The following RBM20 variants were observed in gnomAD, a reference collection of about 807,000 sequenced individuals.
RBM20 encodes the protein RNA-binding protein 20.
A neutral mutation model predicts 110.1 loss-of-function variants in RBM20; 51 were observed. That is an observed-to-expected ratio of 0.46 (90% CI 0.37 to 0.59). The LOEUF (loss-of-function observed/expected upper bound fraction) is 0.59, where lower values mean the gene tolerates loss of function less well. Ranked by LOEUF, RBM20 falls within the 20% of genes least tolerant of loss-of-function variation. The pLI is 0.00. For missense variants in RBM20, 1,512 were observed against 1,574.9 expected (o/e 0.96, Z 0.68); for synonymous variants, 589 against 618.2 (o/e 0.95, Z 0.70).
In RBM20 at chr10:110,784,354, T is replaced by C. The variant is rs2135049976; in HGVS notation, c.1351T>C (p.Cys451Arg). 2 of 1,550,882 alleles carry C rather than the reference T, an allele frequency of 1.3e-6. No homozygotes were observed. Among genetic ancestry groups the C allele is most frequent in the Non-Finnish European group, 1.7e-6 (2 of 1,146,654 alleles). Residue 451 changes from cysteine (C) to arginine (R), a missense_variant, in exon 4 of 14, where the codon TGT becomes CGT. By Grantham distance (180) the Cys-to-Arg change is radical. Around this residue, in one of 3 missense-constraint regions of RBM20, gnomAD observed 1,149 missense variants for 1,169.4 expected, o/e 0.98. Coordinates refer to ENST00000369519, the MANE Select transcript of RBM20 (RefSeq NM_001134363.3). ...LVFSENAGIR[C>R]ILGSAEGTLC... ...CGCCCTCTCCAGTGCTGGCATCCGG[T>C]GTATACTTGGTTCGGCAGAGGGAAC...
intron 1 of RBM20, among the ~76,000 whole-genome samples, chr10:110,649,469 C>T (rs1433643658): frequency 6.6e-6 from 1 of 152,096 alleles, no homozygotes; most frequent in African/African-American, 2.4e-5. Context: ...ATTGAGGAAG[C>T]TTGAGATACT....
At chr10:110,677,927 G>A (rs1389450402) in intron 1 of RBM20, among the ~76,000 whole-genome samples, 1 of 151,990 alleles carries the variant, frequency 6.6e-6, no homozygotes, top group African/African-American at 2.4e-5. Flanking sequence ...CTTAACCCTC[G>A]GGGAACTTCA....
Position 110,800,144 on chromosome 10 carries a change from A to C in RBM20, c.1800+226A>C, listed in dbSNP as rs141744316. On this transcript the variant is annotated intron_variant, in intron 7 of 13. Coordinates refer to ENST00000369519, the MANE Select transcript of RBM20 (RefSeq NM_001134363.3). ...AGACGCCTGAGACTACCTGGGAGCC[A>C]AGGAAAGTTTTCCAGAAGAAGATGT... 8.4e-3 allele frequency among the ~76,000 whole-genome samples: 1,279 copies of C among 152,342 alleles called. 13 individuals carry two copies. The highest frequency in any genetic ancestry group is 0.029 in the African/African-American group (1,220 of 41,574).
chr10:110,696,129 C>T lies in RBM20; in HGVS notation c.191+51484C>T, dbSNP rs568546425. 9.2e-5 allele frequency among the ~76,000 whole-genome samples: 14 copies of T among 152,256 alleles called. No individual in the cohort carries two copies. In the South Asian group the frequency reaches 2.7e-3, roughly 29 times the overall value. On this transcript the variant is annotated intron_variant, in intron 1 of 13. Transcript: ENST00000369519. ...CTGGTGATTCTGATGCCTGCGGAAGCGTGAGCCACACTGGGCTAGAGTTTC... is the reference window on the plus strand; with the variant it reads ...CTGGTGATTCTGATGCCTGCGGAAGTGTGAGCCACACTGGGCTAGAGTTTC...
Position 110,821,831 on chromosome 10 carries a change from C to T in RBM20, c.3212C>T (p.Thr1071Ile), listed in dbSNP as rs780960820. 3.2e-6 allele frequency: 5 copies of T among 1,551,608 alleles called. No homozygotes were observed. The highest frequency in any genetic ancestry group is 2.4e-5 in the East Asian group (1 of 40,932). Reference protein sequence around the residue: ...PFVDDCKTRGTPEDGACEGSP... With the variant: ...PFVDDCKTRGIPEDGACEGSP... ...GTGGATGATTGCAAGACCAGGGGGA[C>T]CCCCGAAGATGGGGCTTGTGAAGGC... is the stretch of plus-strand genomic sequence containing the variant. Residue 1071 changes from threonine (T) to isoleucine (I), a missense_variant, in exon 11 of 14, where the codon ACC (threonine) becomes ATC (isoleucine). Physicochemically the swap from Thr to Ile is moderately conservative, Grantham distance 89. Around this residue, in one of 3 missense-constraint regions of RBM20, gnomAD observed 358 missense variants for 384.2 expected, o/e 0.93. Transcript: ENST00000369519.
At chr10:110,655,099 A>G (rs1247094653) in intron 1 of RBM20, among the ~76,000 whole-genome samples, 1 of 152,224 alleles carries the variant, frequency 6.6e-6, no homozygotes, top group African/African-American at 2.4e-5. Flanking sequence ...ATACTAATTC[A>G]AGCAATCCTG....
At chr10:110,686,197 T>C (rs1862502955) in intron 1 of RBM20, among the ~76,000 whole-genome samples, 1 of 152,172 alleles carries the variant, frequency 6.6e-6, no homozygotes, top group Non-Finnish European at 1.5e-5. Context: ...TCTTTAAATA[T>C]CCTATGAAAC....
chr10:110,718,075 G>A (rs1166956717), intron 1 of RBM20, among the ~76,000 whole-genome samples: 1 of 152,204 alleles, frequency 6.6e-6, no homozygotes, highest in African/African-American at 2.4e-5. Flanking sequence ...GCTAGGGCGG[G>A]GGACAGAGGC....
upstream of RBM20, among the ~76,000 whole-genome samples, chr10:110,643,516 C>T (rs1395533549): frequency 6.6e-6 from 1 of 152,216 alleles, no homozygotes; most frequent in Non-Finnish European, 1.5e-5. Flanking sequence ...GGTGACCGTA[C>T]GTTGTCGGCG....
At chr10:110,830,473 A>G (rs1590706701) in intron 12 of RBM20, among the ~76,000 whole-genome samples, 3 of 152,340 alleles carry the variant, frequency 2.0e-5, no homozygotes, top group East Asian at 1.9e-4. Context: ...AGGACAGAGA[A>G]TTGTAATTAG....
rs1844568074 is a variant in RBM20 at position 110,797,607 on chromosome 10, G to A, written c.1627G>A (p.Gly543Arg). 1.3e-6 allele frequency: 2 copies of A among 1,551,784 alleles called. No individual in the cohort carries two copies. Among genetic ancestry groups the A allele is most frequent in the East Asian group, 4.9e-5 (2 of 40,922 alleles). Residue 543 changes from glycine to arginine, a missense_variant, in exon 6 of 14, where the codon GGA (glycine) becomes AGA (arginine). This residue lies in a region of RBM20 where 1,149 missense variants were observed against 1,169.4 expected (regional missense o/e 0.98). Coordinates refer to ENST00000369519, the MANE Select transcript of RBM20 (RefSeq NM_001134363.3). ...CGTCATTAACCTGGGGCTGCCCTTT[G>A]GAAAGGTCACTAATTACATCCTCAT... The part of the protein sequence containing the change: ...NDVINLGLPF[G>R]KVTNYILMKS...
At chr10:110,817,105 C>T (rs914114778) in intron 9 of RBM20, among the ~76,000 whole-genome samples, 3 of 152,096 alleles carry the variant, frequency 2.0e-5, no homozygotes, top group East Asian at 1.9e-4. Flanking sequence ...AGGGAGGGTT[C>T]GAGAGTGGCA....
chr10:110,810,035 C>G (rs1319440340), intron 7 of RBM20, among the ~76,000 whole-genome samples: 1 of 152,160 alleles, frequency 6.6e-6, no homozygotes, highest in Non-Finnish European at 1.5e-5. Flanking sequence ...CCTTCCTTCC[C>G]TCCCTCCATC....
intron 1 of RBM20, among the ~76,000 whole-genome samples, chr10:110,660,274 A>C (rs1420535417): frequency 2.6e-5 from 4 of 152,208 alleles, no homozygotes; most frequent in African/African-American, 9.7e-5. Context: ...CTGCCTGGAA[A>C]ATAAGTGATT....
intron 1 of RBM20, among the ~76,000 whole-genome samples, chr10:110,697,181 A>C (rs1285748308): frequency 6.6e-6 from 1 of 152,186 alleles, no homozygotes; most frequent in African/African-American, 2.4e-5. Context: ...GATTTCACAC[A>C]ACAAAAGCCC....
Position 110,823,893 on chromosome 10 carries a change from A to T in RBM20, c.3451+279A>T, listed in dbSNP as rs4918597. 3.5e-3 allele frequency among the ~76,000 whole-genome samples: 486 copies of T among 138,722 alleles called. 1 individual carries two copies. Among genetic ancestry groups the T allele is most frequent in the African/African-American group, 8.7e-3 (330 of 37,988 alleles). The allele number at this position is 138,722 out of a possible 152,430, so 91.0% of individuals were successfully genotyped here. A position where few individuals can be genotyped will look rare whatever the true frequency, so the allele number is the denominator to read the frequency against. ...CCACCAGGCCCGGCTAATTTTTTTA[A>T]TTTTTTTTTTTTTTGCAGAGATGGG... On this transcript the variant is annotated intron_variant, in intron 12 of 13. Transcript: ENST00000369519.
Position 110,739,635 on chromosome 10 carries a change from G to T in RBM20, c.192-41166G>T, listed in dbSNP as rs1389249017. Among the ~76,000 whole-genome samples, 1 of 152,196 alleles carries T rather than the reference G, an allele frequency of 6.6e-6. No individual in the cohort carries two copies. Among genetic ancestry groups the T allele is most frequent in the Non-Finnish European group, 1.5e-5 (1 of 68,032 alleles). On this transcript the variant is annotated intron_variant, in intron 1 of 13. Coordinates refer to ENST00000369519, the MANE Select transcript of RBM20 (RefSeq NM_001134363.3). This position sits in a 1 kb window ranked among gnomAD's most constrained non-coding sequence, Gnocchi z 4.1. ...TGACGTGGTGGTGGAAGGCAGAGTGGCAGGGGAAAGAGCACCAGCATCAAT... is the reference window on the plus strand; with the variant it reads ...TGACGTGGTGGTGGAAGGCAGAGTGTCAGGGGAAAGAGCACCAGCATCAAT...
chr10:110,727,140 A>G (rs1843569034), intron 1 of RBM20, among the ~76,000 whole-genome samples: 1 of 114,886 alleles, frequency 8.7e-6, no homozygotes, highest in Admixed American at 9.7e-5. Context: ...CACTGCACCC[A>G]GCCTTTTTTT....
At chr10:110,749,900 C>T (rs10444088) in intron 1 of RBM20, among the ~76,000 whole-genome samples, 116,638 of 152,062 alleles carry the variant, frequency 0.77, 45,215 homozygotes, top group Non-Finnish European at 0.82. Flanking sequence ...AGAAGCCAAC[C>T]CCGGGAGAAT....
Sources: gnomAD v4.1 joint callset for allele counts (sites outside exome capture counted in the v4.1 genomes callset) on GRCh38, gnomAD v4.1.1 for gene constraint, gnomAD v4.1.1 regional missense constraint, Gnocchi (gnomAD v3.1) non-coding constraint, MANE v1.5 for transcripts, NCBI Gene and HGNC (gene_info 2026-07-23, HGNC 2026-07-21) for gene names.